Variants in PCDHGA7 observed in about 807,000 individuals in gnomAD.
PCDHGA7 encodes protocadherin gamma-A7.
Under a neutral mutation model 58.3 loss-of-function variants are expected in PCDHGA7, and 44 were observed. That is an observed-to-expected ratio of 0.75 (90% CI 0.59 to 0.97). PCDHGA7 has a LOEUF of 0.97. Among genes scored for constraint, PCDHGA7 ranks in the 50% least tolerant of loss-of-function variants. The pLI, the probability that PCDHGA7 is intolerant of heterozygous loss-of-function variation, is 0.00. For synonymous variants in PCDHGA7, 516 were observed against 504.2 expected (o/e 1.02, Z -0.31); for missense variants, 1,266 against 1,188.7 (o/e 1.06, Z -0.96).
chr5:141,409,927 C>T, intron 1 of PCDHGA7: 5 of 1,613,342 alleles, frequency 3.1e-6, no homozygotes, highest in Middle Eastern at 1.6e-4. Flanking sequence ...CCGCGTTCTT[C>T]GATATGGTAC....
chr5:141,405,901 G>A (rs954255473), intron 1 of PCDHGA7, among the ~76,000 whole-genome samples: 1 of 152,092 alleles, frequency 6.6e-6, no homozygotes, highest in Non-Finnish European at 1.5e-5. Context: ...ACTGAAAGGA[G>A]GCATTTATTA....
Position 141,431,706 on chromosome 5 carries a change from AG to A in PCDHGA7, c.2424+46384del. The A allele has an allele frequency of 6.2e-7, 1 of 1,614,248 alleles. No homozygotes were observed. The highest frequency in any genetic ancestry group is 8.5e-7 in the Non-Finnish European group (1 of 1,180,048). ...GACCACGAGGAGTCAGGATTCTACC[AG>A]ATGGAAGTGCAAGCAATGGATAATG... On this transcript the variant is annotated intron_variant, in intron 1 of 3. Coordinates refer to ENST00000518325, the MANE Select transcript of PCDHGA7 (RefSeq NM_018920.4). This position sits in a 1 kb window ranked among gnomAD's most constrained non-coding sequence, Gnocchi z 4.8.
intron 1 of PCDHGA7, chr5:141,478,282 G>A: frequency 6.2e-7 from 1 of 1,614,184 alleles, no homozygotes; most frequent in Non-Finnish European, 8.5e-7. Flanking sequence ...AGTGGAAGCA[G>A]TCTAGAGACC....
rs755936344 is a variant in PCDHGA7, at chr5:141,490,704, C to T, written c.2425-4103C>T. ...ATCCAGACACTGGGGATAATGCCCG[C>T]CTCACCTACTCCATTGTAGGAAATC... On this transcript the variant is annotated intron_variant, in intron 1 of 3. Transcript: ENST00000518325. The surrounding 1 kb of genome is among the most constrained non-coding windows in gnomAD (Gnocchi z 5.4). 6.2e-7 allele frequency: 1 copy of T among 1,614,166 alleles called. No homozygotes were observed.
In PCDHGA7 at chr5:141,511,098, T is replaced by G; in HGVS notation, c.2724T>G (p.Ala908=). 6.2e-7 allele frequency: 1 copy of G among 1,614,132 alleles called. No individual in the cohort carries two copies. The highest frequency in any genetic ancestry group is 8.5e-7 in the Non-Finnish European group (1 of 1,179,996). ...PGSNATLTNA[A]GKRDGKAPAG... is the part of the protein sequence containing the mutation. The stretch of plus-strand genomic sequence containing the variant: ...GCAATGCCACACTGACCAACGCAGC[T>G]GGCAAGCGGGATGGCAAGGCCCCAG... Residue 908 remains alanine, a synonymous_variant, in exon 4 of 4, where the codon GCT becomes GCG. Transcript: ENST00000518325.
At chr5:141,396,502 C>T (rs982229069) in intron 1 of PCDHGA7, 2 of 152,106 alleles carry the variant, frequency 1.3e-5, no homozygotes, top group African/African-American at 4.8e-5. Flanking sequence ...CGCCTGTGGT[C>T]CCAGCTACTC....
At chr5:141,503,089 G>C (rs1352372525) in intron 2 of PCDHGA7, among the ~76,000 whole-genome samples, 2 of 151,590 alleles carry the variant, frequency 1.3e-5, no homozygotes, top group Non-Finnish European at 2.9e-5. Context: ...TCCTGACCTC[G>C]TGGTCTGCCC....
At position 141,433,052 on chromosome 5, in the gene PCDHGA7, A is replaced by G. The variant is rs757503771; in HGVS notation, c.2424+47729A>G. The G allele has an allele frequency of 3.1e-6, 5 of 1,614,178 alleles. No individual in the cohort carries two copies. In the Admixed American group the frequency reaches 8.3e-5, roughly 27 times the overall value. ...GGTTTCCCTCACCACGGACTCGCGG[A>G]AGAGTCACCTGATCTTCCCCCAGCC... On this transcript the variant is annotated intron_variant, in intron 1 of 3. Transcript: ENST00000518325.
In PCDHGA7 at chr5:141,490,462, ACCAG is replaced by A; in HGVS notation, c.2425-4338_2425-4335del. On this transcript the variant is annotated intron_variant, in intron 1 of 3. Coordinates refer to ENST00000518325, the MANE Select transcript of PCDHGA7 (RefSeq NM_018920.4). The surrounding 1 kb of genome is among the most constrained non-coding windows in gnomAD (Gnocchi z 5.4). ...TTCTGAGAACCACTACTCGCTGCTA[ACCAG>A]CCAGCCTTTGGACCGGGAGGCCACA... 1 of 1,614,198 alleles carries A rather than the reference ACCAG, an allele frequency of 6.2e-7. No homozygotes were observed.
chr5:141,429,583 T>A (rs2097226045), intron 1 of PCDHGA7, among the ~76,000 whole-genome samples: 2 of 152,218 alleles, frequency 1.3e-5, no homozygotes, highest in South Asian at 4.1e-4. Flanking sequence ...TTACTTTTGA[T>A]TCTTGTAATT....
intron 1 of PCDHGA7, among the ~76,000 whole-genome samples, chr5:141,471,145 G>T (rs569617031): frequency 3.4e-4 from 50 of 148,740 alleles, no homozygotes; most frequent in Non-Finnish European, 5.4e-4. Flanking sequence ...TGCCTCCTGG[G>T]TTCAAGTGAT....
intron 1 of PCDHGA7, chr5:141,418,665 A>G: frequency 6.2e-7 from 1 of 1,614,070 alleles, no homozygotes; most frequent in Middle Eastern, 1.6e-4. Flanking sequence ...GCCACTGACC[A>G]GGACGAGGGC....
intron 1 of PCDHGA7, chr5:141,415,222 G>C (rs2095844564): frequency 1.2e-6 from 2 of 1,613,990 alleles, no homozygotes; most frequent in African/African-American, 2.7e-5. Context: ...CGGCAGCTTC[G>C]AGTCTCCAGC....
chr5:141,433,032 C>G, intron 1 of PCDHGA7: 1 of 1,614,188 alleles, frequency 6.2e-7, no homozygotes, highest in Non-Finnish European at 8.5e-7. Context: ...CACGAGGTTT[C>G]CCTCACCACG....
At chr5:141,475,715 C>T (rs989484033) in intron 1 of PCDHGA7, among the ~76,000 whole-genome samples, 1 of 152,366 alleles carries the variant, frequency 6.6e-6, no homozygotes, top group African/African-American at 2.4e-5. Context: ...AGCCTCACAG[C>T]CCCAAGGCTG....
At chr5:141,423,501 C>T (rs2096747990) in intron 1 of PCDHGA7, 1 of 1,613,990 alleles carries the variant, frequency 6.2e-7, no homozygotes, top group Non-Finnish European at 8.5e-7. Context: ...CCCACGAGGT[C>T]TCTCTCATTG....
chr5:141,489,229 G>C lies in PCDHGA7; in HGVS notation c.2425-5578G>C. The C allele has an allele frequency of 6.6e-7, 1 of 1,522,252 alleles. No homozygotes were observed. Among genetic ancestry groups the C allele is most frequent in the Non-Finnish European group, 8.8e-7 (1 of 1,133,810 alleles). The allele number at this position is 1,522,252 out of a possible 1,614,324, so 94.3% of individuals were successfully genotyped here. On this transcript the variant is annotated intron_variant, in intron 1 of 3. Coordinates refer to ENST00000518325, the MANE Select transcript of PCDHGA7 (RefSeq NM_018920.4). This position sits in a 1 kb window ranked among gnomAD's most constrained non-coding sequence, Gnocchi z 4.5. ...AGCACAGACTTACTCTCCACAAAGG[G>C]ACTTCTGGGTCATGGGGCCCAAGAC...
At chr5:141,413,065 T>A (rs2095601710) in intron 1 of PCDHGA7, 2 of 1,159,986 alleles carry the variant, frequency 1.7e-6, no homozygotes, top group African/African-American at 3.1e-5. Flanking sequence ...CTCCAGAATT[T>A]AAAGTGCCCA....
rs759346998 is a variant in PCDHGA7 at position 141,410,849 on chromosome 5, C to CTTTTTTTTTTTTT, written c.2424+25536_2424+25548dup. 1.9e-3 allele frequency: 267 copies of CTTTTTTTTTTTTT among 138,158 alleles called. 27 individuals carry two copies. The highest frequency in any genetic ancestry group is 5.5e-3 in the African/African-American group (91 of 16,622). 8.6% of individuals were successfully genotyped at this position (138,158 alleles called of 1,614,324 possible). A position where few individuals can be genotyped will look rare whatever the true frequency, so the allele number is the denominator to read the frequency against. ...CAGACTGAAGATATTTTGTCTTTGT[C>CTTTTTTTTTTTTT]TTTTTTTTTTTTTTTTTTTTTTGAG... On this transcript the variant is annotated intron_variant, in intron 1 of 3. Coordinates refer to ENST00000518325, the MANE Select transcript of PCDHGA7 (RefSeq NM_018920.4).
Sources: gnomAD v4.1 joint callset for allele counts (sites outside exome capture counted in the v4.1 genomes callset) on GRCh38, gnomAD v4.1.1 for gene constraint, Gnocchi (gnomAD v3.1) non-coding constraint, MANE v1.5 for transcripts, NCBI Gene and HGNC (gene_info 2026-07-23, HGNC 2026-07-21) for gene names.